The following SLC14A2 variants were observed in gnomAD, a reference collection of about 807,000 sequenced individuals.
SLC14A2 encodes urea transporter 2.
A neutral mutation model predicts 104.6 loss-of-function variants in SLC14A2; 91 were observed. The observed-to-expected ratio is 0.87, with a 90% CI of 0.73 to 1.04. The LOEUF (loss-of-function observed/expected upper bound fraction) is 1.04. Among genes scored for constraint, SLC14A2 ranks in the 50% least tolerant of loss-of-function variants. The pLI is 0.00. For synonymous variants in SLC14A2, 476 were observed against 466.4 expected (o/e 1.02, Z -0.27); for missense variants, 1,189 against 1,156.0 (o/e 1.03, Z -0.41).
intron 2 of SLC14A2, among the ~76,000 whole-genome samples, chr18:45,488,092 G>A (rs1352824863): frequency 6.6e-6 from 1 of 152,138 alleles, no homozygotes; most frequent in Non-Finnish European, 1.5e-5. Flanking sequence ...CAGAACTTAG[G>A]AATCAGAAGG....
the SLC14A2 span, among the ~76,000 whole-genome samples, chr18:45,187,629 G>C: frequency 6.6e-6 from 1 of 152,038 alleles, no homozygotes; most frequent in East Asian, 1.9e-4. Context: ...TGGTTGCCAA[G>C]AGCCCCCAAG....
chr18:45,536,577 T>G (rs1056652102), intron 2 of SLC14A2, among the ~76,000 whole-genome samples: 6 of 152,170 alleles, frequency 3.9e-5, no homozygotes, highest in African/African-American at 1.4e-4. Context: ...CATGTCAGAT[T>G]AAGAGCCGCT....
At chr18:45,483,302 A>C (rs2087532491) in exon 2 of SLC14A2, 1 of 152,202 alleles carries the variant, frequency 6.6e-6, no homozygotes. Context: ...AACCACTGAC[A>C]ACACTGTGAC....
rs192072950 is a variant in SLC14A2 at position 45,312,747 on chromosome 18, C to T, written c.-125+99556C>T. Among the ~76,000 whole-genome samples the T allele has an allele frequency of 7.9e-5, 12 of 152,292 alleles. 1 individual carries two copies. Among genetic ancestry groups the T allele is most frequent in the South Asian group, 4.1e-4 (2 of 4,822 alleles). ...GCTATTGTGCAGGCAAGGCTGAGAG[C>T]GTGAAATAAACAATGTGTGTTAATT... On this transcript the variant is annotated intron_variant, in intron 1 of 20. Coordinates refer to the SLC14A2 transcript ENST00000586448.
At chr18:45,600,763 G>A (rs186055700) in intron 2 of SLC14A2, among the ~76,000 whole-genome samples, 6 of 152,182 alleles carry the variant, frequency 3.9e-5, no homozygotes, top group Admixed American at 6.5e-5. Context: ...CTAGTGGCTC[G>A]TGCTCCATTG....
At chr18:45,423,490 CA>C (rs2086377956) in intron 1 of SLC14A2, among the ~76,000 whole-genome samples, 1 of 152,104 alleles carries the variant, frequency 6.6e-6, no homozygotes, top group Non-Finnish European at 1.5e-5. Flanking sequence ...CATGCACAAA[CA>C]GAGGAGGTGC....
chr18:45,177,902 A>T, the SLC14A2 span, among the ~76,000 whole-genome samples: 1 of 152,210 alleles, frequency 6.6e-6, no homozygotes, highest in South Asian at 2.1e-4. Flanking sequence ...GAGTAAGGAC[A>T]CTGGTACCAT....
chr18:45,460,688 A>G (rs1403188642), intron 1 of SLC14A2, among the ~76,000 whole-genome samples: 2 of 152,174 alleles, frequency 1.3e-5, no homozygotes, highest in Non-Finnish European at 2.9e-5. Context: ...AATTCCATTT[A>G]CAATCCCTCT....
chr18:45,207,801 A>T, the SLC14A2 span, among the ~76,000 whole-genome samples: 252 of 142,476 alleles, frequency 1.8e-3, no homozygotes, highest in East Asian at 5.0e-3. Flanking sequence ...CATTTTTTTT[A>T]AAAAAAAGCT....
chr18:45,262,097 A>G (rs900520017), intron 1 of SLC14A2, among the ~76,000 whole-genome samples: 3 of 152,212 alleles, frequency 2.0e-5, no homozygotes, highest in Non-Finnish European at 1.5e-5. Context: ...AATGATTGCC[A>G]TTCTAACTGA....
chr18:45,428,175 G>A (rs938294121), intron 1 of SLC14A2, among the ~76,000 whole-genome samples: 5 of 152,182 alleles, frequency 3.3e-5, no homozygotes, highest in African/African-American at 7.2e-5. Context: ...TGGAAGTTAT[G>A]TCATTGAACC....
intron 5 of SLC14A2, chr18:45,634,881 C>A (rs1167263874): frequency 4.4e-6 from 2 of 456,742 alleles, no homozygotes; most frequent in Non-Finnish European, 8.8e-6. Flanking sequence ...CTACAATAAT[C>A]CACAATTGTC....
chr18:45,556,892 A>G (rs996572190), intron 2 of SLC14A2, among the ~76,000 whole-genome samples: 2 of 152,208 alleles, frequency 1.3e-5, no homozygotes, highest in African/African-American at 4.8e-5. Context: ...GTTATTGCCA[A>G]AAACTTTATG....
chr18:45,323,774 G>A (rs909121540), intron 1 of SLC14A2, among the ~76,000 whole-genome samples: 2 of 152,194 alleles, frequency 1.3e-5, no homozygotes, highest in African/African-American at 4.8e-5. Context: ...TGCCAAGGTA[G>A]ATTCCAAACA....
intron 1 of SLC14A2, among the ~76,000 whole-genome samples, chr18:45,254,635 T>C (rs2084457377): frequency 6.6e-6 from 1 of 152,092 alleles, no homozygotes. Flanking sequence ...GAATCCACAC[T>C]CCCTTGTCTC....
intron 1 of SLC14A2, among the ~76,000 whole-genome samples, chr18:45,472,188 C>T (rs774879749): frequency 6.6e-6 from 1 of 151,194 alleles, no homozygotes; most frequent in Non-Finnish European, 1.5e-5. Context: ...TCATCCATGT[C>T]CCCGCAAGGA....
rs565807934 is a variant in SLC14A2 at position 45,423,480 on chromosome 18, C to T, written c.-124-59753C>T. Among the ~76,000 whole-genome samples, 3 of 152,230 alleles carry T rather than the reference C, an allele frequency of 2.0e-5. No homozygotes were observed. The East Asian group carries it at 5.8e-4, about 29-fold the overall frequency. On this transcript the variant is annotated intron_variant, in intron 1 of 20. Coordinates refer to the SLC14A2 transcript ENST00000586448. ...AAAATGCTGTCCTATTTAATGACAA[C>T]ATGCACAAACAGAGGAGGTGCAACA...
At chr18:45,307,480 C>A (rs1217056901) in intron 1 of SLC14A2, among the ~76,000 whole-genome samples, 1 of 150,574 alleles carries the variant, frequency 6.6e-6, no homozygotes. Flanking sequence ...AAAAGACTAA[C>A]CTCTAGGGGA....
chr18:45,404,720 C>A (rs2086134601), intron 1 of SLC14A2, among the ~76,000 whole-genome samples: 1 of 152,268 alleles, frequency 6.6e-6, no homozygotes, highest in African/African-American at 2.4e-5. Context: ...AACTGGAGTT[C>A]CACTTGATCT....
Sources: allele counts gnomAD v4.1 joint callset (sites outside exome capture counted in the v4.1 genomes callset), GRCh38; gene constraint gnomAD v4.1.1; transcripts MANE v1.5; gene names NCBI Gene and HGNC (gene_info 2026-07-23, HGNC 2026-07-21).